NEMP2: variants seen among roughly 807,000 people sequenced by gnomAD.
NEMP2 encodes UPF0571 transmembrane protein.
Under a neutral mutation model 54.2 loss-of-function variants are expected in NEMP2, and 53 were observed. The observed-to-expected ratio is 0.98, with a 90% CI of 0.78 to 1.23. NEMP2 has a LOEUF of 1.23. Among genes scored for constraint, NEMP2 ranks in the 50% most tolerant of loss-of-function variants. NEMP2 has a pLI of 0.00. For missense variants in NEMP2, 455 were observed against 511.3 expected (o/e 0.89, Z 1.06); for synonymous variants, 197 against 190.3 (o/e 1.04, Z -0.29).
Position 190,521,068 on chromosome 2 carries a change from T to C in NEMP2, c.214-1885A>G, listed in dbSNP as rs1690736126. On this transcript the variant is annotated intron_variant, in intron 2 of 8. Coordinates refer to ENST00000409150, the MANE Select transcript of NEMP2 (RefSeq NM_001142645.2). The surrounding 1 kb of genome is among the most constrained non-coding windows in gnomAD (Gnocchi z 6.2). ...ACCAGTGTGCTAGAGAAGTGCACAC[T>C]GGTCTCACTTCAAATCCATGACTGT... Among the ~76,000 whole-genome samples the C allele has an allele frequency of 6.6e-6, 1 of 152,220 alleles. No individual in the cohort carries two copies. The highest frequency in any genetic ancestry group is 1.5e-5 in the Non-Finnish European group (1 of 68,034).
At chr2:190,455,347 A>T in the NEMP2 span, among the ~76,000 whole-genome samples, 2 of 152,298 alleles carry the variant, frequency 1.3e-5, no homozygotes, top group East Asian at 3.9e-4. Flanking sequence ...ATCTTTGTGA[A>T]ACAAGATTTT....
the NEMP2 span, among the ~76,000 whole-genome samples, chr2:190,433,712 T>G: frequency 6.6e-6 from 1 of 152,212 alleles, no homozygotes; most frequent in Admixed American, 6.5e-5. This position sits in a 1 kb window ranked among gnomAD's most constrained non-coding sequence, Gnocchi z 4.5. Flanking sequence ...ACAGATAAAT[T>G]GACTCCTTAC....
rs1459416255 is a variant in NEMP2 at position 190,504,781 on chromosome 2, G to A, written c.*4408C>T. The A allele has an allele frequency of 6.6e-6, 1 of 152,060 alleles. No homozygotes were observed. Among genetic ancestry groups the A allele is most frequent in the Admixed American group, 6.5e-5 (1 of 15,270 alleles). 9.4% of individuals were successfully genotyped at this position (152,060 alleles called of 1,614,324 possible). Reference sequence around the variant, plus strand: ...TCGGATTTTTTTTGTTTCCTGAAAAGATCACTGGCATCTTAGAAAAATAAC... The same window carrying A: ...TCGGATTTTTTTTGTTTCCTGAAAAAATCACTGGCATCTTAGAAAAATAAC... On this transcript the variant is annotated 3_prime_UTR_variant, in exon 9 of 9. Transcript: ENST00000409150. This position sits in a 1 kb window ranked among gnomAD's most constrained non-coding sequence, Gnocchi z 5.6.
At chr2:190,595,028 A>G in the NEMP2 span, among the ~76,000 whole-genome samples, 1 of 152,176 alleles carries the variant, frequency 6.6e-6, no homozygotes, top group Non-Finnish European at 1.5e-5. This position sits in a 1 kb window ranked among gnomAD's most constrained non-coding sequence, Gnocchi z 4.0. Flanking sequence ...TGCAGTTTAA[A>G]CAGAAAGCTT....
At chr2:190,598,920 T>C in the NEMP2 span, among the ~76,000 whole-genome samples, 1 of 152,250 alleles carries the variant, frequency 6.6e-6, no homozygotes, top group Non-Finnish European at 1.5e-5. Flanking sequence ...TCTTGATTTA[T>C]ATTTTTCTCC....
At chr2:190,436,194 C>G in the NEMP2 span, 1 of 1,614,150 alleles carries the variant, frequency 6.2e-7, no homozygotes, top group Non-Finnish European at 8.5e-7. The surrounding 1 kb of genome is among the most constrained non-coding windows in gnomAD (Gnocchi z 5.3). Flanking sequence ...AGGAAATAGA[C>G]TGGATAGAGA....
At chr2:190,526,453 G>A (rs1690941105) in intron 1 of NEMP2, among the ~76,000 whole-genome samples, 1 of 152,204 alleles carries the variant, frequency 6.6e-6, no homozygotes. Flanking sequence ...AAACACATTT[G>A]TATTTTAGAA....
chr2:190,588,360 T>A, the NEMP2 span, among the ~76,000 whole-genome samples: 1 of 152,166 alleles, frequency 6.6e-6, no homozygotes, highest in African/African-American at 2.4e-5. The surrounding 1 kb of genome is among the most constrained non-coding windows in gnomAD (Gnocchi z 5.0). Context: ...TCTCTTTCTC[T>A]TTCTTCCCCT....
the NEMP2 span, among the ~76,000 whole-genome samples, chr2:190,594,328 A>AGTAACACATACATGTTACCC: frequency 6.6e-6 from 1 of 152,178 alleles, no homozygotes; most frequent in South Asian, 2.1e-4. The surrounding 1 kb of genome is among the most constrained non-coding windows in gnomAD (Gnocchi z 5.6). Flanking sequence ...ATGTTACCCA[A>AGTAACACATACATGTTACCC]AAGTATCTCC....
At position 190,523,195 on chromosome 2, in the gene NEMP2, T is replaced by C. The variant is rs1387201742; in HGVS notation, c.213+2068A>G. 6.6e-6 allele frequency among the ~76,000 whole-genome samples: 1 copy of C among 152,148 alleles called. No homozygotes were observed. The highest frequency in any genetic ancestry group is 2.4e-5 in the African/African-American group (1 of 41,440). On this transcript the variant is annotated intron_variant, in intron 2 of 8. Transcript: ENST00000409150. The surrounding 1 kb of genome is among the most constrained non-coding windows in gnomAD (Gnocchi z 5.3). ...CAAACTATATTTTGAATGAATAATATAACCAGACTGAAGGGGGAGTGGATT... is the reference window on the plus strand; with the variant it reads ...CAAACTATATTTTGAATGAATAATACAACCAGACTGAAGGGGGAGTGGATT...
downstream of NEMP2, among the ~76,000 whole-genome samples, chr2:190,502,787 T>C (rs553727413): frequency 4.6e-5 from 7 of 152,322 alleles, no homozygotes; most frequent in East Asian, 1.2e-3. The surrounding 1 kb of genome is among the most constrained non-coding windows in gnomAD (Gnocchi z 4.4). Flanking sequence ...TCCGTGGATA[T>C]TGGGTGCTTG....
At chr2:190,496,178 T>C in the NEMP2 span, among the ~76,000 whole-genome samples, 1 of 147,480 alleles carries the variant, frequency 6.8e-6, no homozygotes, top group Non-Finnish European at 1.5e-5. The surrounding 1 kb of genome is among the most constrained non-coding windows in gnomAD (Gnocchi z 4.7). Flanking sequence ...ACTAAGGACA[T>C]GCATAAACAA....
intron 7 of NEMP2, among the ~76,000 whole-genome samples, chr2:190,511,404 A>T (rs1261493274): frequency 6.6e-6 from 1 of 152,130 alleles, no homozygotes; most frequent in African/African-American, 2.4e-5. Flanking sequence ...GTGGATCATG[A>T]TTAGAACTTT....
At chr2:190,599,884 C>G in the NEMP2 span, among the ~76,000 whole-genome samples, 1 of 152,152 alleles carries the variant, frequency 6.6e-6, no homozygotes, top group Non-Finnish European at 1.5e-5. Flanking sequence ...ATCATGTTCC[C>G]TCTCCCTCAC....
chr2:190,561,416 A>G, the NEMP2 span, among the ~76,000 whole-genome samples: 1 of 152,212 alleles, frequency 6.6e-6, no homozygotes, highest in Admixed American at 6.5e-5. The surrounding 1 kb of genome is among the most constrained non-coding windows in gnomAD (Gnocchi z 5.4). Flanking sequence ...GTCCAAGATC[A>G]GGATGTCAGC....
chr2:190,491,846 A>G, the NEMP2 span, among the ~76,000 whole-genome samples: 6 of 152,230 alleles, frequency 3.9e-5, no homozygotes, highest in African/African-American at 1.4e-4. This position sits in a 1 kb window ranked among gnomAD's most constrained non-coding sequence, Gnocchi z 4.2. Flanking sequence ...CAGAAGGTCC[A>G]TTATTAAGTT....
the NEMP2 span, chr2:190,444,934 A>G: frequency 1.3e-6 from 1 of 754,208 alleles, no homozygotes; most frequent in African/African-American, 1.9e-5. Flanking sequence ...GTATCTTGGT[A>G]AATTAACTGT....
At chr2:190,428,728 C>G in the NEMP2 span, among the ~76,000 whole-genome samples, 4 of 151,982 alleles carry the variant, frequency 2.6e-5, no homozygotes, top group Non-Finnish European at 5.9e-5. Context: ...TGCTGGAGGG[C>G]AGTGGTGCTA....
rs1446049728 is a variant in NEMP2, at chr2:190,513,643, A to G, written c.953+810T>C. On this transcript the variant is annotated intron_variant, in intron 7 of 8. Transcript: ENST00000409150. This position sits in a 1 kb window ranked among gnomAD's most constrained non-coding sequence, Gnocchi z 5.3. ...GCTTGCTGCACTGACAGCACTGCCTATCTCCTGATGGTACCAAACTGGGCT... is the reference window on the plus strand; with the variant it reads ...GCTTGCTGCACTGACAGCACTGCCTGTCTCCTGATGGTACCAAACTGGGCT... Among the ~76,000 whole-genome samples, 3 of 152,216 alleles carry G rather than the reference A, an allele frequency of 2.0e-5. No homozygotes were observed. The highest frequency in any genetic ancestry group is 2.1e-4 in the South Asian group (1 of 4,836).
Sources: allele counts gnomAD v4.1 joint callset (sites outside exome capture counted in the v4.1 genomes callset), GRCh38; gene constraint gnomAD v4.1.1; non-coding constraint Gnocchi (gnomAD v3.1); transcripts MANE v1.5; gene names NCBI Gene and HGNC (gene_info 2026-07-23, HGNC 2026-07-21).